Variants in PTPRR observed in about 807,000 individuals in gnomAD.
PTPRR encodes receptor-type tyrosine-protein phosphatase R.
PTPRR carries 38 observed loss-of-function variants against 77.2 expected under a neutral mutation model. The observed-to-expected ratio is 0.49, with a 90% CI of 0.38 to 0.65. The LOEUF (loss-of-function observed/expected upper bound fraction) is 0.65, where lower values mean the gene tolerates loss of function less well. Among genes scored for constraint, PTPRR ranks in the 30% least tolerant of loss-of-function variants. The pLI, the probability that PTPRR is intolerant of heterozygous loss-of-function variation, is 0.00. For missense variants in PTPRR, 744 were observed against 799.2 expected (o/e 0.93, Z 0.83); for synonymous variants, 299 against 283.1 (o/e 1.06, Z -0.57).
At chr12:70,882,706 T>G (rs1041501259) in intron 2 of PTPRR, among the ~76,000 whole-genome samples, 3 of 152,168 alleles carry the variant, frequency 2.0e-5, no homozygotes, top group Admixed American at 1.3e-4. Flanking sequence ...TTATATTACT[T>G]GTTGCCAACA....
rs760989936 is a variant in PTPRR at position 70,761,596 on chromosome 12, A to G, written c.502T>C (p.Ser168Pro). The G allele has an allele frequency of 2.5e-6, 4 of 1,610,650 alleles. No homozygotes were observed. Among genetic ancestry groups the G allele is most frequent in the Non-Finnish European group, 3.4e-6 (4 of 1,178,236 alleles). The change falls in exon 4 of 14, where the codon TCT (serine) becomes CCT (proline). Residue 168 changes from serine to proline, a missense_variant. Ser to Pro is a moderately conservative substitution (Grantham distance 74, BLOSUM62 -1). Coordinates refer to ENST00000283228, the MANE Select transcript of PTPRR (RefSeq NM_002849.4). ...GKKNSIELFV[S>P]PINRKTGISD... ...ATTCCTGTTTTTCGGTTTATGGGAG[A>G]CACAAACAGTTCAATACTGTTCTTC...
chr12:70,650,343 C>T (rs570025843), intron 13 of PTPRR, among the ~76,000 whole-genome samples: 2 of 152,194 alleles, frequency 1.3e-5, no homozygotes, highest in South Asian at 4.1e-4. Flanking sequence ...AGGATAATCG[C>T]TTGAACCCAG....
intron 6 of PTPRR, among the ~76,000 whole-genome samples, chr12:70,728,908 C>T (rs370182499): frequency 6.6e-5 from 10 of 151,990 alleles, no homozygotes; most frequent in South Asian, 2.1e-4. Context: ...TGGAATACTA[C>T]GGGGCCAAAA....
chr12:70,743,003 A>G (rs1890101042), intron 6 of PTPRR, among the ~76,000 whole-genome samples: 1 of 152,174 alleles, frequency 6.6e-6, no homozygotes. Context: ...TCAGAGCTGA[A>G]ATATGGGTCT....
At chr12:70,665,835 T>C (rs1385044446) in intron 10 of PTPRR, among the ~76,000 whole-genome samples, 1 of 152,150 alleles carries the variant, frequency 6.6e-6, no homozygotes, top group East Asian at 1.9e-4. Flanking sequence ...AGTTTCTATA[T>C]ATTTAAATAT....
intron 8 of PTPRR, among the ~76,000 whole-genome samples, chr12:70,694,902 T>C (rs1198499346): frequency 1.3e-5 from 2 of 152,240 alleles, no homozygotes; most frequent in African/African-American, 2.4e-5. Flanking sequence ...TTATATTTTA[T>C]TGTCTGCTAA....
At chr12:70,702,706 T>C (rs569873113) in intron 6 of PTPRR, among the ~76,000 whole-genome samples, 1 of 152,350 alleles carries the variant, frequency 6.6e-6, no homozygotes, top group Admixed American at 6.5e-5. Context: ...TTTGTTAATT[T>C]CTAAATGGTT....
At chr12:70,837,951 T>A (rs767927325) in intron 2 of PTPRR, among the ~76,000 whole-genome samples, 93 of 152,038 alleles carry the variant, frequency 6.1e-4, no homozygotes, top group Admixed American at 5.3e-4. Flanking sequence ...ATTCTAAGGA[T>A]CTTATGAGTT....
rs748964836 is a variant in PTPRR, at chr12:70,664,374, C to T, written c.1498-1769G>A. ...TTTCAATGAAGCATCAATTATTTCGCTGTAAGACCCGAGCTACTGTGTATC... is the reference window on the plus strand; with the variant it reads ...TTTCAATGAAGCATCAATTATTTCGTTGTAAGACCCGAGCTACTGTGTATC... On this transcript the variant is annotated intron_variant, in intron 10 of 13. Coordinates refer to ENST00000283228, the MANE Select transcript of PTPRR (RefSeq NM_002849.4). The T allele has an allele frequency of 3.9e-5, 6 of 152,170 alleles. No homozygotes were observed. In the South Asian group the frequency reaches 1.0e-3, roughly 26 times the overall value. The allele number at this position is 152,170 out of a possible 1,614,324, so 9.4% of individuals were successfully genotyped here. A position where few individuals can be genotyped will look rare whatever the true frequency, so the allele number is the denominator to read the frequency against.
At chr12:70,764,470 C>A (rs1361943733) in intron 3 of PTPRR, among the ~76,000 whole-genome samples, 195 bp downstream of exon 3, 1 of 152,138 alleles carries the variant, frequency 6.6e-6, no homozygotes, top group Non-Finnish European at 1.5e-5. Context: ...CTGAACTCTG[C>A]CACTGTAATA....
intron 1 of PTPRR, among the ~76,000 whole-genome samples, chr12:70,906,045 T>C (rs1471482465): frequency 6.6e-6 from 1 of 151,970 alleles, no homozygotes; most frequent in African/African-American, 2.4e-5. Flanking sequence ...AATACATAAT[T>C]GTAGCAATAA....
rs141946820 is a variant in PTPRR at position 70,676,910 on chromosome 12, C to T, written c.1497+7217G>A. Among the ~76,000 whole-genome samples the T allele has an allele frequency of 6.2e-3, 898 of 145,208 alleles. 7 individuals carry two copies. Among genetic ancestry groups the T allele is most frequent in the African/African-American group, 0.022 (842 of 38,834 alleles). Reference sequence around the variant, plus strand: ...GATTTGGCTAGTCAAGATCTTTTGTCGCTTCATACAAATTTTAGGATTAAA... The same window carrying T: ...GATTTGGCTAGTCAAGATCTTTTGTTGCTTCATACAAATTTTAGGATTAAA... On this transcript the variant is annotated intron_variant, in intron 10 of 13. Coordinates refer to ENST00000283228, the MANE Select transcript of PTPRR (RefSeq NM_002849.4).
At chr12:70,902,905 A>G (rs1037256212) in intron 1 of PTPRR, among the ~76,000 whole-genome samples, 2 of 151,800 alleles carry the variant, frequency 1.3e-5, no homozygotes, top group Admixed American at 1.3e-4. Flanking sequence ...AAAAGGTAGC[A>G]TGTACATATA....
chr12:70,657,484 A>G (rs546866053), intron 12 of PTPRR, among the ~76,000 whole-genome samples: 1 of 152,342 alleles, frequency 6.6e-6, no homozygotes, highest in Admixed American at 6.5e-5. Context: ...CGATATGTCC[A>G]TAAAATCAAC....
chr12:70,787,480 A>G (rs1368800594), intron 2 of PTPRR, among the ~76,000 whole-genome samples: 1 of 152,198 alleles, frequency 6.6e-6, no homozygotes, highest in Non-Finnish European at 1.5e-5. Context: ...TTTAAAGCTT[A>G]ATTTCTTTTA....
chr12:70,893,128 A>G (rs1893367973), intron 1 of PTPRR, 151 bp from the exon 2 acceptor site: 5 of 853,494 alleles, frequency 5.9e-6, no homozygotes, highest in African/African-American at 1.7e-5. Flanking sequence ...CTGCTTCATG[A>G]TCCTCAACAA....
intron 13 of PTPRR, among the ~76,000 whole-genome samples, chr12:70,655,735 G>A (rs1886551151): frequency 6.6e-6 from 1 of 152,136 alleles, no homozygotes; most frequent in Non-Finnish European, 1.5e-5. Context: ...TTACCAGTTG[G>A]GCTGAGAGAG....
chr12:70,885,566 G>C (rs1893225519), intron 2 of PTPRR, among the ~76,000 whole-genome samples: 1 of 128,278 alleles, frequency 7.8e-6, no homozygotes, highest in African/African-American at 3.0e-5. Flanking sequence ...ACGGAGTCTT[G>C]CTCTGTTGCC....
At chr12:70,835,806 A>T (rs1275095565) in intron 2 of PTPRR, among the ~76,000 whole-genome samples, 1 of 152,150 alleles carries the variant, frequency 6.6e-6, no homozygotes, top group African/African-American at 2.4e-5. Flanking sequence ...TATAAACATA[A>T]GTGGATTAAT....
Sources: gnomAD v4.1 joint callset for allele counts (sites outside exome capture counted in the v4.1 genomes callset) on GRCh38, gnomAD v4.1.1 for gene constraint, MANE v1.5 for transcripts, NCBI Gene and HGNC (gene_info 2026-07-23, HGNC 2026-07-21) for gene names.